The following TECPR2 variants were observed in gnomAD, a reference collection of about 807,000 sequenced individuals.
The protein encoded by TECPR2 is tectonin beta-propeller repeat-containing protein 2.
In TECPR2, 65 loss-of-function variants were observed where a neutral mutation model predicts 138.1. That is an observed-to-expected ratio of 0.47 (90% CI 0.39 to 0.58). The LOEUF is 0.58. TECPR2 is among the 20% of genes least tolerant of loss of function. TECPR2 has a pLI of 0.00. For missense variants in TECPR2, 1,553 were observed against 1,824.5 expected (o/e 0.85, Z 2.71); for synonymous variants, 746 against 749.8 (o/e 0.99, Z 0.08).
intron 7 of TECPR2, among the ~76,000 whole-genome samples, chr14:102,428,634 C>T (rs1010634714): frequency 3.9e-5 from 6 of 152,010 alleles, no homozygotes; most frequent in East Asian, 1.9e-4. Flanking sequence ...TGGTGGCATG[C>T]GCCTGTGGTC....
intron 7 of TECPR2, among the ~76,000 whole-genome samples, chr14:102,430,631 G>A (rs1015456277): frequency 6.6e-6 from 1 of 152,190 alleles, no homozygotes; most frequent in African/African-American, 2.4e-5. Context: ...TACTGTAGCT[G>A]GAACTGCTCT....
At chr14:102,478,773 T>G (rs978635751) in intron 17 of TECPR2, among the ~76,000 whole-genome samples, 2 of 152,056 alleles carry the variant, frequency 1.3e-5, no homozygotes, top group African/African-American at 4.8e-5. Context: ...CCCAGCACTA[T>G]GGGAGGCCGA....
In TECPR2 at chr14:102,399,139, G is replaced by A. The variant is rs560514923; in HGVS notation, c.220-8199G>A. Among the ~76,000 whole-genome samples, 4 of 152,302 alleles carry A rather than the reference G, an allele frequency of 2.6e-5. No homozygotes were observed. The East Asian group carries it at 7.7e-4, about 29-fold the overall frequency. On this transcript the variant is annotated intron_variant, in intron 2 of 19. Coordinates refer to ENST00000359520, the MANE Select transcript of TECPR2 (RefSeq NM_014844.5). ...GCCAGGGATGGTGGCGTATGTGCCT[G>A]TAATCCCAGCCATCTGGGTGCCTGA... is the stretch of plus-strand genomic sequence containing the variant.
intron 2 of TECPR2, among the ~76,000 whole-genome samples, chr14:102,391,235 T>C (rs938566264): frequency 6.6e-6 from 1 of 152,130 alleles, no homozygotes; most frequent in Non-Finnish European, 1.5e-5. Context: ...TTTTTTGTAT[T>C]TTTAATAGAG....
In TECPR2 at chr14:102,499,512, G is replaced by A. The variant is rs2139806037; in HGVS notation, c.*1255G>A. On this transcript the variant is annotated 3_prime_UTR_variant, in exon 20 of 20. Coordinates refer to ENST00000359520, the MANE Select transcript of TECPR2 (RefSeq NM_014844.5). ...CCGCACAGACTTGACTGGCAGGGCG[G>A]TCACGGGACCTGCGGGCTGGCTCCG... 2 of 451,734 alleles carry A rather than the reference G, an allele frequency of 4.4e-6. No individual in the cohort carries two copies. The highest frequency in any genetic ancestry group is 4.0e-6 in the Non-Finnish European group (1 of 248,340). 28.0% of individuals were successfully genotyped at this position (451,734 alleles called of 1,614,324 possible). A position where few individuals can be genotyped will look rare whatever the true frequency, so the allele number is the denominator to read the frequency against.
intron 17 of TECPR2, among the ~76,000 whole-genome samples, chr14:102,492,199 C>A (rs1891172895): frequency 6.6e-6 from 1 of 152,244 alleles, no homozygotes; most frequent in African/African-American, 2.4e-5. Flanking sequence ...CCATCCCTAC[C>A]CCTTCCTGAA....
chr14:102,405,117 G>T (rs1283299767), intron 2 of TECPR2, among the ~76,000 whole-genome samples: 1 of 151,836 alleles, frequency 6.6e-6, no homozygotes, highest in Non-Finnish European at 1.5e-5. Flanking sequence ...AGACTAGCGG[G>T]GCCAACATGG....
intron 6 of TECPR2, among the ~76,000 whole-genome samples, chr14:102,426,565 T>A (rs1889327528): frequency 6.6e-6 from 1 of 152,174 alleles, no homozygotes; most frequent in Non-Finnish European, 1.5e-5. Context: ...ATAAACAGTT[T>A]TCAGCCAGGC....
In TECPR2 at chr14:102,376,672, A is replaced by G. The variant is rs1210505478; in HGVS notation, c.-50A>G. 2.6e-6 allele frequency: 4 copies of G among 1,567,534 alleles called. No individual in the cohort carries two copies. The highest frequency in any genetic ancestry group is 3.5e-6 in the Non-Finnish European group (4 of 1,139,736). Reference sequence around the variant, plus strand: ...TAGCCCCCAGGTTTCCCTAGATGACAAATAAACATTCCTTTTCCTGCGTGA... The same window carrying G: ...TAGCCCCCAGGTTTCCCTAGATGACGAATAAACATTCCTTTTCCTGCGTGA... On this transcript the variant is annotated 5_prime_UTR_variant, in exon 2 of 20. Transcript: ENST00000359520.
intron 17 of TECPR2, among the ~76,000 whole-genome samples, chr14:102,466,197 G>A (rs913788828): frequency 2.6e-5 from 4 of 152,150 alleles, no homozygotes; most frequent in Non-Finnish European, 5.9e-5. Context: ...GAGTGTGGTG[G>A]TGGGAGAACC....
chr14:102,492,399 T>C (rs952739193), intron 17 of TECPR2, among the ~76,000 whole-genome samples: 1 of 152,238 alleles, frequency 6.6e-6, no homozygotes, highest in Non-Finnish European at 1.5e-5. Context: ...TTCTCCTTCT[T>C]GGGCCAGCCA....
At chr14:102,392,701 C>T (rs1215551964) in intron 2 of TECPR2, among the ~76,000 whole-genome samples, 3 of 152,152 alleles carry the variant, frequency 2.0e-5, no homozygotes, top group African/African-American at 7.2e-5. Flanking sequence ...TAATTACGAG[C>T]AATGTGGCTG....
chr14:102,492,228 C>T (rs1891173169), intron 17 of TECPR2, among the ~76,000 whole-genome samples: 1 of 152,224 alleles, frequency 6.6e-6, no homozygotes, highest in Admixed American at 6.5e-5. Flanking sequence ...GGGCTGTCTG[C>T]AGGCTGGCCT....
chr14:102,498,547 A>G lies in TECPR2; in HGVS notation c.*290A>G, dbSNP rs996895955. ...ACCCACGTGCTGCCGTCCTGGTCTCATCCACAGATAGCTCCAGCTTTTGTT... is the reference window on the plus strand; with the variant it reads ...ACCCACGTGCTGCCGTCCTGGTCTCGTCCACAGATAGCTCCAGCTTTTGTT... On this transcript the variant is annotated 3_prime_UTR_variant, in exon 20 of 20. Transcript: ENST00000359520. The G allele has an allele frequency of 2.0e-6, 1 of 492,698 alleles. No homozygotes were observed. Among genetic ancestry groups the G allele is most frequent in the Non-Finnish European group, 3.7e-6 (1 of 269,568 alleles). The allele number at this position is 492,698 out of a possible 1,614,324, so 30.5% of individuals were successfully genotyped here.
At chr14:102,452,664 G>T in intron 16 of TECPR2, 37 bp downstream of exon 16, 1 of 1,510,990 alleles carries the variant, frequency 6.6e-7, no homozygotes, top group South Asian at 1.2e-5. Flanking sequence ...CCGGTGCCCT[G>T]ACTGCCCTAA....
rs368512371 is a variant in TECPR2 at position 102,438,105 on chromosome 14, G to C, written c.2478G>C (p.Leu826=). 1 of 1,614,112 alleles carries C rather than the reference G, an allele frequency of 6.2e-7. No homozygotes were observed. ...LVVSEKYIWC[L]DYKGGLFCSA... ...TCTCCGAGAAGTATATCTGGTGCCT[G>C]GACTACAAAGGCGGCCTGTTCTGCA... is the stretch of plus-strand genomic sequence containing the variant. Residue 826 remains leucine (L), a synonymous_variant, in exon 10 of 20, where the codon CTG becomes CTC. Coordinates refer to ENST00000359520, the MANE Select transcript of TECPR2 (RefSeq NM_014844.5).
intron 2 of TECPR2, among the ~76,000 whole-genome samples, chr14:102,405,786 A>G (rs1044887322): frequency 2.6e-5 from 4 of 152,234 alleles, no homozygotes; most frequent in Admixed American, 1.3e-4. Context: ...ATGTGCGTCT[A>G]TCAACGGATG....
In TECPR2 at chr14:102,497,409, C is replaced by T. The variant is rs899604207; in HGVS notation, c.3932-161C>T. 1.0e-5 allele frequency: 11 copies of T among 1,104,336 alleles called. No homozygotes were observed. In the East Asian group the frequency reaches 1.1e-4, roughly 11 times the overall value. The allele number at this position is 1,104,336 out of a possible 1,614,324, so 68.4% of individuals were successfully genotyped here. A position where few individuals can be genotyped will look rare whatever the true frequency, so the allele number is the denominator to read the frequency against. On this transcript the variant is annotated intron_variant, in intron 18 of 19. Coordinates refer to ENST00000359520, the MANE Select transcript of TECPR2 (RefSeq NM_014844.5). ...GGCTTTGCTGGCCCTGCCAACTGGT[C>T]GTCCTTTCCCTCGGCTCCTGCCCCA... is the stretch of plus-strand genomic sequence containing the variant.
At chr14:102,450,450 A>G in intron 14 of TECPR2, 110 bp from the exon 15 acceptor site, 1 of 1,011,296 alleles carries the variant, frequency 9.9e-7, no homozygotes, top group Non-Finnish European at 1.5e-6. Context: ...ACACTCTAGA[A>G]TTATCTGGAG....
Sources: gnomAD v4.1 joint callset for allele counts (sites outside exome capture counted in the v4.1 genomes callset) on GRCh38, gnomAD v4.1.1 for gene constraint, MANE v1.5 for transcripts, NCBI Gene and HGNC (gene_info 2026-07-23, HGNC 2026-07-21) for gene names.